The following SH3BGR variants were observed in gnomAD, a reference collection of about 807,000 sequenced individuals.
SH3BGR encodes the protein SH3 domain-binding glutamic acid-rich protein.
SH3BGR carries 29 observed loss-of-function variants against 24.5 expected under a neutral mutation model. The ratio of observed to expected loss-of-function variants is 1.18; its 90% CI spans 0.88 to 1.61. The LOEUF (loss-of-function observed/expected upper bound fraction) is 1.61, where lower values mean the gene tolerates loss of function less well. Among genes scored for constraint, SH3BGR ranks in the 40% most tolerant of loss-of-function variants. SH3BGR has a pLI of 0.00. For missense variants in SH3BGR, 162 were observed against 205.8 expected, an observed-to-expected ratio of 0.79 and a Z score of 1.30; for synonymous variants, 55 against 65.7, an observed-to-expected ratio of 0.84 and a Z score of 0.79.
At chr21:39,503,593 T>A (rs1429547193) in intron 4 of SH3BGR, among the ~76,000 whole-genome samples, 1 of 152,186 alleles carries the variant, frequency 6.6e-6, no homozygotes, top group Non-Finnish European at 1.5e-5. Context: ...ACATGCATAC[T>A]CAATGCACAC....
At position 39,452,070 on chromosome 21, in the gene SH3BGR, G is replaced by C. The variant is rs772265018; in HGVS notation, c.-27G>C. 20 of 1,613,974 alleles carry C rather than the reference G, an allele frequency of 1.2e-5. No individual in the cohort carries two copies. In the Admixed American group the frequency reaches 1.3e-4, roughly 11 times the overall value. ...CGCATTCCCTGACAGGGGTGTGTTG[G>C]GGGGAGTCCTCTTTCCAACTGTCGA... On this transcript the variant is annotated 5_prime_UTR_variant, in exon 1 of 7. Transcript: ENST00000333634.
intron 3 of SH3BGR, among the ~76,000 whole-genome samples, chr21:39,480,959 G>A (rs1389038410): frequency 6.6e-6 from 1 of 152,190 alleles, no homozygotes; most frequent in Non-Finnish European, 1.5e-5. Context: ...CAAATAGGCA[G>A]GGAAATTGTA....
At chr21:39,492,477 TATATACACAC>T (rs1464382081) in intron 3 of SH3BGR, among the ~76,000 whole-genome samples, 2 of 147,872 alleles carry the variant, frequency 1.4e-5, no homozygotes, top group Admixed American at 6.7e-5. Context: ...TATATATATA[TATATACACAC>T]ACACACACAC....
chr21:39,484,792 T>C (rs2123434941), intron 3 of SH3BGR, among the ~76,000 whole-genome samples: 1 of 152,292 alleles, frequency 6.6e-6, no homozygotes, highest in Non-Finnish European at 1.5e-5. Flanking sequence ...ATTGCTTAGG[T>C]TGATAGGTGT....
intron 3 of SH3BGR, among the ~76,000 whole-genome samples, chr21:39,496,123 A>G (rs1482791005): frequency 8.1e-6 from 1 of 123,038 alleles, no homozygotes. Context: ...ATTATTAAAC[A>G]TTGTTTTAGG....
Position 39,511,854 on chromosome 21 carries a change from T to C in SH3BGR, c.*34+45T>C. 5 of 1,539,814 alleles carry C rather than the reference T, an allele frequency of 3.2e-6. No homozygotes were observed. The South Asian group carries it at 5.1e-5, about 16-fold the overall frequency. ...GTGGAAAAGCTGCTAGTTACCGTAC[T>C]GTATGCTATCTGCGGCACATTTTGC... On this transcript the variant is annotated intron_variant, in intron 6 of 6. Transcript: ENST00000333634. This position sits in a 1 kb window ranked among gnomAD's most constrained non-coding sequence, Gnocchi z 4.2.
intron 4 of SH3BGR, among the ~76,000 whole-genome samples, chr21:39,502,771 C>T (rs762005297): frequency 6.6e-6 from 1 of 152,234 alleles, no homozygotes; most frequent in Non-Finnish European, 1.5e-5. Flanking sequence ...ATGGGCCAGA[C>T]CCTCTGTTCT....
intron 1 of SH3BGR, among the ~76,000 whole-genome samples, chr21:39,459,576 A>G (rs1403587007): frequency 6.6e-6 from 1 of 151,798 alleles, no homozygotes; most frequent in African/African-American, 2.4e-5. Context: ...TCTATTGCCA[A>G]GGCAGGAGTG....
At chr21:39,489,821 A>G (rs1170573782) in intron 3 of SH3BGR, among the ~76,000 whole-genome samples, 1 of 152,234 alleles carries the variant, frequency 6.6e-6, no homozygotes, top group Non-Finnish European at 1.5e-5. Context: ...ATGTTTTATC[A>G]ATGTGGAGAG....
intron 4 of SH3BGR, among the ~76,000 whole-genome samples, chr21:39,506,847 T>G (rs560746334): frequency 6.6e-6 from 1 of 152,226 alleles, no homozygotes; most frequent in African/African-American, 2.4e-5. Flanking sequence ...GGTTGGGTGC[T>G]TTTTGGAACG....
intron 3 of SH3BGR, chr21:39,488,652 C>T: frequency 2.7e-6 from 1 of 365,802 alleles, no homozygotes; most frequent in Non-Finnish European, 5.4e-6. Context: ...AAGAGAAGGG[C>T]ACCATCATGG....
intron 3 of SH3BGR, among the ~76,000 whole-genome samples, chr21:39,499,260 G>A (rs13049203): frequency 0.56 from 84,610 of 151,460 alleles, 23,956 homozygotes; most frequent in East Asian, 0.68. Flanking sequence ...TCTATCATCT[G>A]TCTATCTGTC....
chr21:39,492,424 T>C (rs2078314463), intron 3 of SH3BGR, among the ~76,000 whole-genome samples: 1 of 151,162 alleles, frequency 6.6e-6, no homozygotes, highest in African/African-American at 2.4e-5. Flanking sequence ...TTCCTTTTTA[T>C]GGCTGAGTAG....
intron 3 of SH3BGR, among the ~76,000 whole-genome samples, chr21:39,491,378 G>C (rs1210818545): frequency 6.6e-6 from 1 of 151,756 alleles, no homozygotes; most frequent in Non-Finnish European, 1.5e-5. Flanking sequence ...TTGAACTCCT[G>C]ACCTCAAGTA....
chr21:39,479,253 GTGGTGA>G (rs1210387856), intron 3 of SH3BGR, among the ~76,000 whole-genome samples: 1 of 150,518 alleles, frequency 6.6e-6, no homozygotes, highest in Non-Finnish European at 1.5e-5. Context: ...GGTGGTGGTG[GTGGTGA>G]TGGTAGTGCT....
Position 39,515,230 on chromosome 21 carries a change from C to T in SH3BGR, c.*177C>T, listed in dbSNP as rs764041230. 7 of 402,526 alleles carry T rather than the reference C, an allele frequency of 1.7e-5. No homozygotes were observed. In the East Asian group the frequency reaches 4.0e-4, roughly 23 times the overall value. 24.9% of individuals were successfully genotyped at this position (402,526 alleles called of 1,614,324 possible). A position where few individuals can be genotyped will look rare whatever the true frequency, so the allele number is the denominator to read the frequency against. ...GTTAGATGTACATGGAGGTATCTCC[C>T]GAATCATACAAAATTAAATGTGAAG... On this transcript the variant is annotated 3_prime_UTR_variant, in exon 7 of 7. Coordinates refer to ENST00000333634, the MANE Select transcript of SH3BGR (RefSeq NM_007341.3).
At chr21:39,475,583 A>G (rs2078014429) in intron 3 of SH3BGR, among the ~76,000 whole-genome samples, 1 of 152,190 alleles carries the variant, frequency 6.6e-6, no homozygotes, top group African/African-American at 2.4e-5. Context: ...ATAGCTTTAT[A>G]TGAGTTAATT....
chr21:39,468,888 C>T (rs956706802), intron 2 of SH3BGR, among the ~76,000 whole-genome samples: 2 of 152,026 alleles, frequency 1.3e-5, no homozygotes, highest in Non-Finnish European at 2.9e-5. Flanking sequence ...GGGAAGCTTG[C>T]TAGGCTTGGG....
chr21:39,500,674 C>T (rs1366568021), intron 4 of SH3BGR, among the ~76,000 whole-genome samples: 1 of 152,150 alleles, frequency 6.6e-6, no homozygotes, highest in Non-Finnish European at 1.5e-5. Flanking sequence ...AGGGCTTCTC[C>T]ACTGGGTCAG....
Sources: allele counts gnomAD v4.1 joint callset (sites outside exome capture counted in the v4.1 genomes callset), GRCh38; gene constraint gnomAD v4.1.1; non-coding constraint Gnocchi (gnomAD v3.1); transcripts MANE v1.5; gene names NCBI Gene and HGNC (gene_info 2026-07-23, HGNC 2026-07-21).